S100Z: variants seen among roughly 807,000 people sequenced by gnomAD.
S100Z encodes protein S100-Z.
In S100Z, 11 loss-of-function variants were observed where a neutral mutation model predicts 8.5. The ratio of observed to expected loss-of-function variants is 1.30; its 90% confidence interval spans 0.82 to 2.15. The LOEUF is 2.15. Ranked by LOEUF, S100Z falls within the 30% of genes most tolerant of loss-of-function variation. S100Z has a pLI of 0.00. For missense variants in S100Z, 126 were observed against 117.9 expected (o/e 1.07, Z -0.32); for synonymous variants, 34 against 43.8 (o/e 0.78, Z 0.89).
intron 4 of S100Z, among the ~76,000 whole-genome samples, chr5:76,884,058 G>C (rs767692101): frequency 6.6e-6 from 1 of 152,128 alleles, no homozygotes; most frequent in Middle Eastern, 3.2e-3. Flanking sequence ...GGGTTCGAGG[G>C]CCGAATTTAA....
At chr5:76,852,613 G>C (rs951440045) in intron 1 of S100Z, among the ~76,000 whole-genome samples, 2 of 152,192 alleles carry the variant, frequency 1.3e-5, no homozygotes, top group Non-Finnish European at 2.9e-5. Flanking sequence ...AGGAGGCTAA[G>C]GCACAAGAAT....
At chr5:76,879,044 C>T (rs1743297453) in intron 4 of S100Z, among the ~76,000 whole-genome samples, 1 of 152,170 alleles carries the variant, frequency 6.6e-6, no homozygotes, top group Admixed American at 6.5e-5. Context: ...GCCTCTCTAA[C>T]AGCCGGTGTG....
At chr5:76,922,748 C>A (rs1355309349), downstream of S100Z, among the ~76,000 whole-genome samples, 1 of 152,136 alleles carries the variant, frequency 6.6e-6, no homozygotes, top group East Asian at 1.9e-4. Context: ...TGGTCTTGAT[C>A]TCCTGACCTC....
the S100Z span, among the ~76,000 whole-genome samples, chr5:76,951,064 G>T: frequency 7.9e-5 from 12 of 151,638 alleles, no homozygotes; most frequent in Middle Eastern, 3.4e-3. Flanking sequence ...CACTGGCTTA[G>T]TAGATATTTA....
At chr5:76,920,201 GC>G (rs777935888) in intron 4 of S100Z, among the ~76,000 whole-genome samples, 3 of 152,094 alleles carry the variant, frequency 2.0e-5, no homozygotes, top group Non-Finnish European at 4.4e-5. Flanking sequence ...GAGCCACCAC[GC>G]CCGGCTCAGC....
chr5:76,907,588 C>T (rs1310309405), intron 4 of S100Z, among the ~76,000 whole-genome samples: 3 of 152,194 alleles, frequency 2.0e-5, no homozygotes, highest in Admixed American at 2.0e-4. Context: ...CAGGCATGAG[C>T]CACTGCGCCC....
intron 4 of S100Z, among the ~76,000 whole-genome samples, chr5:76,893,009 C>G (rs577149271): frequency 6.6e-6 from 1 of 152,156 alleles, no homozygotes; most frequent in South Asian, 2.1e-4. Context: ...TCCAGGCCCT[C>G]CAGGAGACTT....
At chr5:76,905,660 C>T (rs1161828415) in intron 4 of S100Z, among the ~76,000 whole-genome samples, 1 of 152,124 alleles carries the variant, frequency 6.6e-6, no homozygotes, top group East Asian at 1.9e-4. Context: ...GATCTGCCTA[C>T]CTCGGCTTCC....
chr5:76,869,756 C>G (rs575210201), intron 1 of S100Z, among the ~76,000 whole-genome samples: 9 of 152,168 alleles, frequency 5.9e-5, no homozygotes, highest in African/African-American at 2.2e-4. Flanking sequence ...CAGTGGCTCA[C>G]ACCTGTAATC....
chr5:76,850,970 A>G (rs1253717382), intron 1 of S100Z, among the ~76,000 whole-genome samples: 1 of 152,068 alleles, frequency 6.6e-6, no homozygotes, highest in African/African-American at 2.4e-5. Context: ...CAGCCTCCTC[A>G]TGGGATTTTT....
intron 4 of S100Z, among the ~76,000 whole-genome samples, chr5:76,886,536 A>C (rs1743641179): frequency 6.6e-6 from 1 of 152,174 alleles, no homozygotes; most frequent in African/African-American, 2.4e-5. Flanking sequence ...GGGCAAGAAC[A>C]GGGGACTGGT....
intron 4 of S100Z, among the ~76,000 whole-genome samples, chr5:76,908,054 C>G (rs2150677171): frequency 6.6e-6 from 1 of 152,214 alleles, no homozygotes; most frequent in East Asian, 1.9e-4. Context: ...CTACCTGACC[C>G]TGGGGAAGTT....
chr5:76,922,864 C>A (rs1745073114), downstream of S100Z, among the ~76,000 whole-genome samples: 1 of 152,104 alleles, frequency 6.6e-6, no homozygotes, highest in Non-Finnish European at 1.5e-5. Flanking sequence ...TCTTAGAATT[C>A]ACATTTTGTA....
intron 4 of S100Z, among the ~76,000 whole-genome samples, chr5:76,897,000 G>A (rs1352371200): frequency 6.6e-6 from 1 of 152,196 alleles, no homozygotes; most frequent in Non-Finnish European, 1.5e-5. Context: ...TCTCTATTTT[G>A]TTCCATTGGT....
At chr5:76,853,672 C>T (rs1750795266) in intron 1 of S100Z, among the ~76,000 whole-genome samples, 1 of 152,024 alleles carries the variant, frequency 6.6e-6, no homozygotes, top group Non-Finnish European at 1.5e-5. Flanking sequence ...TGGTGCACAC[C>T]TGTAGTCCCA....
chr5:76,900,596 T>C lies in S100Z; in HGVS notation c.*3-20121T>C, dbSNP rs374002108. Among the ~76,000 whole-genome samples the C allele has an allele frequency of 7.9e-5, 12 of 152,300 alleles. No homozygotes were observed. The South Asian group carries it at 2.5e-3, about 32-fold the overall frequency. On this transcript the variant is annotated intron_variant, in intron 4 of 4. Transcript: ENST00000317593. ...TTGGTTCTTTTTATTTCAATATCTTTGTTAAATTTGTCTGATAGAATTCTG... is the reference window on the plus strand; with the variant it reads ...TTGGTTCTTTTTATTTCAATATCTTCGTTAAATTTGTCTGATAGAATTCTG...
At chr5:76,947,195 G>C in the S100Z span, among the ~76,000 whole-genome samples, 273 of 151,330 alleles carry the variant, frequency 1.8e-3, 2 homozygotes, top group Non-Finnish European at 3.1e-3. Context: ...AATCCCCCAC[G>C]TCCTGGCCCC....
rs555732885 is a variant in S100Z at position 76,893,575 on chromosome 5, C to G, written c.*2+15741C>G. 7.9e-5 allele frequency among the ~76,000 whole-genome samples: 12 copies of G among 152,186 alleles called. No homozygotes were observed. In the South Asian group the frequency reaches 2.5e-3, roughly 32 times the overall value. On this transcript the variant is annotated intron_variant, in intron 4 of 4. Coordinates refer to ENST00000317593, the MANE Select transcript of S100Z (RefSeq NM_130772.4). ...AAAAAATTGCCAGAAAACCACTTCA[C>G]TTTCTAGCTTTTGTTTTCAAAAGTC...
At chr5:76,907,863 T>C (rs970529254) in intron 4 of S100Z, among the ~76,000 whole-genome samples, 1 of 152,188 alleles carries the variant, frequency 6.6e-6, no homozygotes, top group African/African-American at 2.4e-5. Context: ...GTGCAGTGGC[T>C]CACACCTATA....
Sources: gnomAD v4.1 joint callset for allele counts (sites outside exome capture counted in the v4.1 genomes callset) on GRCh38, gnomAD v4.1.1 for gene constraint, MANE v1.5 for transcripts, NCBI Gene and HGNC (gene_info 2026-07-23, HGNC 2026-07-21) for gene names.